ZFHX4: variants seen among roughly 807,000 people sequenced by gnomAD.
ZFHX4 encodes the protein zinc finger homeobox protein 4.
Under a neutral mutation model 267.6 loss-of-function variants are expected in ZFHX4, and 56 were observed. That is an observed-to-expected ratio of 0.21 (90% CI 0.17 to 0.26). The LOEUF is 0.26. ZFHX4 is among the 10% of genes least tolerant of loss of function. The pLI is 1.00. For missense variants in ZFHX4, 4,332 were observed against 4,420.0 expected, an observed-to-expected ratio of 0.98 and a Z score of 0.56; for synonymous variants, 1,778 against 1,665.6, an observed-to-expected ratio of 1.07 and a Z score of -1.64.
intron 4 of ZFHX4, among the ~76,000 whole-genome samples, chr8:76,828,664 A>G (rs1811849832): frequency 6.6e-6 from 1 of 152,148 alleles, no homozygotes; most frequent in African/African-American, 2.4e-5. Context: ...GAAGTGGGAG[A>G]AGCTTCAAAA....
At chr8:76,800,020 A>C (rs1451853855) in intron 4 of ZFHX4, among the ~76,000 whole-genome samples, 1 of 151,894 alleles carries the variant, frequency 6.6e-6, no homozygotes, top group African/African-American at 2.4e-5. Context: ...GACATGTTGG[A>C]TTGGATTCCT....
chr8:76,759,334 T>C (rs575603389), intron 3 of ZFHX4, among the ~76,000 whole-genome samples: 120 of 152,350 alleles, frequency 7.9e-4, no homozygotes, highest in Middle Eastern at 3.4e-3. Context: ...TAATCATTAC[T>C]CATTTTGGTT....
intron 3 of ZFHX4, among the ~76,000 whole-genome samples, chr8:76,747,715 T>C (rs1585905408): frequency 1.3e-5 from 2 of 152,278 alleles, no homozygotes; most frequent in African/African-American, 4.8e-5. Context: ...GCGGATCACC[T>C]GAGGTCAGGA....
intron 3 of ZFHX4, among the ~76,000 whole-genome samples, chr8:76,727,266 G>A (rs1808877673): frequency 6.6e-6 from 1 of 151,940 alleles, no homozygotes; most frequent in African/African-American, 2.4e-5. Context: ...GAGCTCTTGG[G>A]GCCGCAGCCA....
At chr8:76,742,572 T>TA (rs1563495889) in intron 3 of ZFHX4, among the ~76,000 whole-genome samples, 1 of 152,176 alleles carries the variant, frequency 6.6e-6, no homozygotes, top group East Asian at 1.9e-4. Context: ...GACACTGGGA[T>TA]ACAAGGACAA....
At chr8:76,750,869 A>G (rs563206904) in intron 3 of ZFHX4, among the ~76,000 whole-genome samples, 2 of 152,292 alleles carry the variant, frequency 1.3e-5, no homozygotes, top group Admixed American at 1.3e-4. Context: ...AAATTAAAAG[A>G]TAAGCACCAC....
intron 1 of ZFHX4, among the ~76,000 whole-genome samples, chr8:76,699,005 T>G (rs1452549357): frequency 1.3e-5 from 2 of 152,144 alleles, no homozygotes; most frequent in Admixed American, 6.5e-5. Context: ...CTAAGCTGGT[T>G]AATGCAGTAT....
At chr8:76,805,640 A>G (rs770387410) in intron 4 of ZFHX4, among the ~76,000 whole-genome samples, 2 of 142,580 alleles carry the variant, frequency 1.4e-5, no homozygotes, top group Non-Finnish European at 3.1e-5. Context: ...ACTATTTTTT[A>G]TAAGCATCAG....
At chr8:76,751,011 T>C (rs1308524328) in intron 3 of ZFHX4, among the ~76,000 whole-genome samples, 2 of 152,128 alleles carry the variant, frequency 1.3e-5, no homozygotes, top group East Asian at 3.9e-4. Context: ...CTATATTGAT[T>C]AATAGGAATA....
At chr8:76,811,960 T>C (rs1228723368) in intron 4 of ZFHX4, among the ~76,000 whole-genome samples, 2 of 152,180 alleles carry the variant, frequency 1.3e-5, no homozygotes, top group African/African-American at 4.8e-5. Context: ...GTATTTTGGA[T>C]TCCTTGTAGA....
At chr8:76,835,339 T>C (rs1410145283) in intron 5 of ZFHX4, among the ~76,000 whole-genome samples, 1 of 149,820 alleles carries the variant, frequency 6.7e-6, no homozygotes, top group East Asian at 2.0e-4. Context: ...GGAAATTCAC[T>C]CCTACTACTA....
Position 76,705,939 on chromosome 8 carries a change from G to C in ZFHX4, c.1851G>C (p.Lys617Asn). 1.2e-6 allele frequency: 2 copies of C among 1,613,592 alleles called. No homozygotes were observed. Among genetic ancestry groups the C allele is most frequent in the Non-Finnish European group, 1.7e-6 (2 of 1,179,830 alleles). ...CGGGCAGTGGCATCGAGTGTCCAAA[G>C]TGCGACACTGTGTTGGGGTCTTCGA... ...GSPGSGIECP[K>N]CDTVLGSSRS... Residue 617 changes from lysine (K) to asparagine (N), a missense_variant, in exon 2 of 11, where the codon AAG (lysine) becomes AAC (asparagine). Lys to Asn is a moderately conservative substitution (Grantham distance 94). This residue lies in a region of ZFHX4 where 1,195 missense variants were observed against 1,173.6 expected (regional missense o/e 1.02). Coordinates refer to ENST00000651372, the MANE Select transcript of ZFHX4 (RefSeq NM_024721.5).
At chr8:76,849,247 G>GTCTACA in intron 7 of ZFHX4, 119 bp downstream of exon 7, 1 of 1,155,026 alleles carries the variant, frequency 8.7e-7, no homozygotes, top group Non-Finnish European at 1.2e-6. Flanking sequence ...AATTGGCAAT[G>GTCTACA]TAACTCTTGG....
intron 4 of ZFHX4, among the ~76,000 whole-genome samples, chr8:76,796,852 G>C (rs1202835304): frequency 6.6e-6 from 1 of 152,124 alleles, no homozygotes; most frequent in East Asian, 1.9e-4. Context: ...TTTGTTTTTA[G>C]TTTTCTGAAT....
At position 76,705,079 on chromosome 8, in the gene ZFHX4, C is replaced by T. The variant is rs780418234; in HGVS notation, c.991C>T (p.Pro331Ser). 1.2e-6 allele frequency: 2 copies of T among 1,613,884 alleles called. No individual in the cohort carries two copies. The highest frequency in any genetic ancestry group is 1.1e-5 in the South Asian group (1 of 91,076). ...IIQGIGKDKE[P>S]LISFLEPKKS... ...ACAGGGGATTGGCAAAGACAAAGAA[C>T]CTCTTATAAGCTTTCTGGAACCAAA... The change falls in exon 2 of 11, where the codon CCT (proline) becomes TCT (serine). Residue 331 changes from proline to serine, a missense_variant. Pro to Ser is a moderately conservative substitution (Grantham distance 74). This residue lies in a region of ZFHX4 where 1,195 missense variants were observed against 1,173.6 expected (regional missense o/e 1.02). Coordinates refer to ENST00000651372, the MANE Select transcript of ZFHX4 (RefSeq NM_024721.5).
In ZFHX4 at chr8:76,794,284, C is replaced by T. The variant is rs551625889; in HGVS notation, c.3325+15845C>T. ...TTATGCAGTGATACTAAGATGAATG[C>T]AGGTATTTCCCAATTTTCAGCTGAA... is the stretch of plus-strand genomic sequence containing the variant. On this transcript the variant is annotated intron_variant, in intron 4 of 10. Coordinates refer to ENST00000651372, the MANE Select transcript of ZFHX4 (RefSeq NM_024721.5). 2.0e-5 allele frequency among the ~76,000 whole-genome samples: 3 copies of T among 152,202 alleles called. No individual in the cohort carries two copies. The East Asian group carries it at 5.8e-4, about 29-fold the overall frequency.
intron 4 of ZFHX4, among the ~76,000 whole-genome samples, chr8:76,810,755 G>C (rs996072813): frequency 6.6e-6 from 1 of 152,136 alleles, no homozygotes; most frequent in Non-Finnish European, 1.5e-5. Context: ...TTTAATAAAA[G>C]AACAATTGTT....
chr8:76,786,430 G>A (rs1359612497), intron 4 of ZFHX4, among the ~76,000 whole-genome samples: 1 of 150,760 alleles, frequency 6.6e-6, no homozygotes, highest in Non-Finnish European at 1.5e-5. Flanking sequence ...GGGCATTTTA[G>A]ATAAGGAGAT....
chr8:76,813,426 G>T (rs971774171), intron 4 of ZFHX4, among the ~76,000 whole-genome samples: 2 of 152,098 alleles, frequency 1.3e-5, no homozygotes, highest in Non-Finnish European at 2.9e-5. Context: ...AGGTATTTAG[G>T]TGATAAAATT....
Sources: allele counts gnomAD v4.1 joint callset (sites outside exome capture counted in the v4.1 genomes callset), GRCh38; gene constraint gnomAD v4.1.1; regional missense constraint gnomAD v4.1.1; transcripts MANE v1.5; gene names NCBI Gene and HGNC (gene_info 2026-07-23, HGNC 2026-07-21).